The following RAB1A variants were observed in gnomAD, a reference collection of about 807,000 sequenced individuals.
RAB1A encodes RAB1A, member RAS oncogene family, also known as ras-related protein Rab-1A.
RAB1A carries 2 observed loss-of-function variants against 26.0 expected under a neutral mutation model. The observed-to-expected ratio is 0.08, with a 90% CI of 0.03 to 0.24. The LOEUF is 0.24. Among genes scored for constraint, RAB1A ranks in the 10% least tolerant of loss-of-function variants. RAB1A has a pLI of 1.00. For synonymous variants in RAB1A, 84 were observed against 84.9 expected (o/e 0.99, Z 0.06); for missense variants, 100 against 247.0 (o/e 0.40, Z 3.99).
chr2:65,089,109 A>G (rs2103819118), intron 4 of RAB1A, 39 bp from the exon 5 acceptor site: 2 of 1,549,930 alleles, frequency 1.3e-6, no homozygotes, highest in Middle Eastern at 1.7e-4. Flanking sequence ...ATAGTTCGAT[A>G]ATATAGTTCT....
chr2:65,089,303 C>T (rs943728279), intron 4 of RAB1A, among the ~76,000 whole-genome samples: 1 of 152,112 alleles, frequency 6.6e-6, no homozygotes, highest in African/African-American at 2.4e-5. Context: ...CCCTCGACCT[C>T]CCAAGCTCAA....
intron 1 of RAB1A, among the ~76,000 whole-genome samples, chr2:65,127,156 T>C (rs552115824): frequency 2.2e-4 from 33 of 151,856 alleles, no homozygotes; most frequent in Admixed American, 1.6e-3. Flanking sequence ...TTGAGGTCAT[T>C]AGTCTTCAAA....
chr2:65,127,165 A>G (rs1387880989), intron 1 of RAB1A, among the ~76,000 whole-genome samples: 1 of 148,362 alleles, frequency 6.7e-6, no homozygotes, highest in Non-Finnish European at 1.5e-5. Flanking sequence ...TTAGTCTTCA[A>G]AAGAAAGGAT....
chr2:65,127,271 T>C (rs1670121645), intron 1 of RAB1A, among the ~76,000 whole-genome samples: 1 of 152,200 alleles, frequency 6.6e-6, no homozygotes, highest in Non-Finnish European at 1.5e-5. Context: ...TCACTCCCTC[T>C]GTTCCTCCAA....
chr2:65,111,893 G>A (rs1261898896), intron 1 of RAB1A, among the ~76,000 whole-genome samples: 1 of 152,038 alleles, frequency 6.6e-6, no homozygotes, highest in African/African-American at 2.4e-5. Flanking sequence ...AGACCAGCCT[G>A]GCCAACATGG....
intron 1 of RAB1A, among the ~76,000 whole-genome samples, chr2:65,127,701 T>C (rs1293379076): frequency 6.6e-6 from 1 of 152,198 alleles, no homozygotes; most frequent in African/African-American, 2.4e-5. Flanking sequence ...CACTCCAGCC[T>C]GGGCAACAAG....
intron 2 of RAB1A, among the ~76,000 whole-genome samples, chr2:65,101,742 CTTTTTTTTTTTTT>C (rs71401771): frequency 2.8e-5 from 2 of 70,682 alleles, no homozygotes; most frequent in Non-Finnish European, 2.4e-5. Context: ...GTATTACTTC[CTTTTTTTTTTTTT>C]TTTTTTTTTT....
At position 65,129,873 on chromosome 2, in the gene RAB1A, C is replaced by T. The variant is rs767644887; in HGVS notation, c.23+20G>A. ...AAGCTGGCCCACGGACCCAGCCGACCGGTGCTCTCCTGAACTCACTATTCG... is the reference window on the plus strand; with the variant it reads ...AAGCTGGCCCACGGACCCAGCCGACTGGTGCTCTCCTGAACTCACTATTCG... On this transcript the variant is annotated intron_variant, in intron 1 of 5. Coordinates refer to ENST00000409784, the MANE Select transcript of RAB1A (RefSeq NM_004161.5). The T allele has an allele frequency of 1.9e-6, 3 of 1,592,052 alleles. No individual in the cohort carries two copies. The Admixed American group carries it at 5.3e-5, about 28-fold the overall frequency.
chr2:65,111,811 G>A (rs1669703321), intron 1 of RAB1A, among the ~76,000 whole-genome samples: 1 of 152,156 alleles, frequency 6.6e-6, no homozygotes. Context: ...AGGAGGCCAG[G>A]CGAGGCTCAA....
intron 3 of RAB1A, among the ~76,000 whole-genome samples, chr2:65,092,946 A>ACT (rs1214587086): frequency 6.6e-6 from 1 of 151,390 alleles, no homozygotes; most frequent in African/African-American, 2.4e-5. Flanking sequence ...CTTCCTTCAC[A>ACT]CTCTCTCGCC....
At chr2:65,093,779 T>G (rs1669223514) in intron 3 of RAB1A, among the ~76,000 whole-genome samples, 1 of 151,936 alleles carries the variant, frequency 6.6e-6, no homozygotes, top group Non-Finnish European at 1.5e-5. Context: ...CCTGCCACCA[T>G]GCCCAGCTAA....
intron 1 of RAB1A, among the ~76,000 whole-genome samples, chr2:65,107,792 C>T (rs1669595914): frequency 6.6e-6 from 1 of 152,092 alleles, no homozygotes; most frequent in Non-Finnish European, 1.5e-5. Flanking sequence ...TCAGATGTTG[C>T]CTGAAGTATC....
In RAB1A at chr2:65,093,466, A is replaced by T. The variant is rs186775076; in HGVS notation, c.193-2388T>A. Among the ~76,000 whole-genome samples, 299 of 152,290 alleles carry T rather than the reference A, an allele frequency of 2.0e-3. 5 individuals are homozygous for T. The highest frequency in any genetic ancestry group is 6.3e-3 in the African/African-American group (260 of 41,550). On this transcript the variant is annotated intron_variant, in intron 3 of 5. Transcript: ENST00000409784. ...ATAATCTAATAAAACTCAGATAAAG[A>T]CCCAGATGTCACACCTGAACAGGAA...
intron 1 of RAB1A, among the ~76,000 whole-genome samples, chr2:65,127,210 C>T (rs1235340106): frequency 6.6e-6 from 1 of 151,942 alleles, no homozygotes; most frequent in Non-Finnish European, 1.5e-5. Flanking sequence ...AATTACTGTC[C>T]TTGTCATTTA....
At chr2:65,122,945 T>A (rs1273151837) in intron 1 of RAB1A, among the ~76,000 whole-genome samples, 1 of 116,916 alleles carries the variant, frequency 8.6e-6, no homozygotes, top group African/African-American at 3.4e-5. Flanking sequence ...CACTCCAGCC[T>A]GGGCAACAGA....
At chr2:65,118,668 G>C (rs937078175) in intron 1 of RAB1A, among the ~76,000 whole-genome samples, 2 of 152,030 alleles carry the variant, frequency 1.3e-5, no homozygotes, top group African/African-American at 4.8e-5. Context: ...AGTAGAGACA[G>C]GGTTTCACTG....
In RAB1A at chr2:65,086,935, C is replaced by T. The variant is rs1427643565; in HGVS notation, c.*1558G>A. The T allele has an allele frequency of 3.3e-5, 5 of 152,656 alleles. No individual in the cohort carries two copies. In the East Asian group the frequency reaches 9.6e-4, roughly 29 times the overall value. 9.5% of individuals were successfully genotyped at this position (152,656 alleles called of 1,614,324 possible). The stretch of plus-strand genomic sequence containing the variant: ...TCTGTCCATTTCATTTTACAATTAT[C>T]TTACCACTTATTTTTGTACCATGTA... On this transcript the variant is annotated 3_prime_UTR_variant, in exon 6 of 6. Transcript: ENST00000409784.
intron 1 of RAB1A, among the ~76,000 whole-genome samples, chr2:65,111,361 C>CA (rs35527449): frequency 0.036 from 3,996 of 112,112 alleles, 70 homozygotes; most frequent in Non-Finnish European, 0.049. Context: ...GACACCATCT[C>CA]AAAAAAAAAA....
At chr2:65,112,250 C>T (rs1228527632) in intron 1 of RAB1A, among the ~76,000 whole-genome samples, 5 of 150,920 alleles carry the variant, frequency 3.3e-5, no homozygotes, top group East Asian at 2.0e-4. Flanking sequence ...CGGGTTCAAG[C>T]GATTCACCTG....
Sources: allele counts gnomAD v4.1 joint callset (sites outside exome capture counted in the v4.1 genomes callset), GRCh38; gene constraint gnomAD v4.1.1; transcripts MANE v1.5; gene names NCBI Gene and HGNC (gene_info 2026-07-23, HGNC 2026-07-21).